Variants in ANKIB1 observed in about 807,000 individuals in gnomAD.
ANKIB1 encodes the protein ankyrin repeat and IBR domain-containing protein 1.
Under a neutral mutation model 122.1 loss-of-function variants are expected in ANKIB1, and 43 were observed. The observed-to-expected ratio is 0.35, with a 90% CI of 0.28 to 0.45. The LOEUF is 0.45. ANKIB1 is among the 20% of genes least tolerant of loss of function. ANKIB1 has a pLI of 1.00. For synonymous variants in ANKIB1, 390 were observed against 442.0 expected (o/e 0.88, Z 1.48); for missense variants, 992 against 1,329.5 (o/e 0.75, Z 3.95).
At chr7:92,344,203 T>G (rs79102338) in intron 6 of ANKIB1, among the ~76,000 whole-genome samples, 926 of 63,458 alleles carry the variant, frequency 0.015, 7 homozygotes, top group Non-Finnish European at 0.023. Context: ...GTTTTTTTTT[T>G]TTTTTTTTTT....
intron 2 of ANKIB1, among the ~76,000 whole-genome samples, chr7:92,306,627 T>C (rs532695015): frequency 5.9e-5 from 9 of 152,192 alleles, no homozygotes; most frequent in Admixed American, 4.6e-4. Flanking sequence ...AAGGCCTCTA[T>C]GAGGAATGAG....
At chr7:92,279,803 G>A (rs556693973) in intron 1 of ANKIB1, among the ~76,000 whole-genome samples, 1 of 152,242 alleles carries the variant, frequency 6.6e-6, no homozygotes, top group South Asian at 2.1e-4. Flanking sequence ...AAGTGACAAG[G>A]CTTTTTCTTA....
At chr7:92,323,833 C>T (rs1194812282) in intron 4 of ANKIB1, among the ~76,000 whole-genome samples, 5 of 152,126 alleles carry the variant, frequency 3.3e-5, no homozygotes, top group Non-Finnish European at 4.4e-5. Flanking sequence ...ATGCTAAGTG[C>T]GAGAAGCCAG....
chr7:92,311,769 A>G (rs1214332905), intron 3 of ANKIB1, among the ~76,000 whole-genome samples: 1 of 151,930 alleles, frequency 6.6e-6, no homozygotes, highest in Non-Finnish European at 1.5e-5. Context: ...CCTTAATTAT[A>G]GAGTTCTTCA....
At chr7:92,340,005 T>G (rs1468706887) in intron 5 of ANKIB1, among the ~76,000 whole-genome samples, 1 of 152,154 alleles carries the variant, frequency 6.6e-6, no homozygotes, top group African/African-American at 2.4e-5. Flanking sequence ...AGTGTTTTCT[T>G]TACTTTTCCT....
chr7:92,290,064 G>A (rs1240185843), intron 1 of ANKIB1, among the ~76,000 whole-genome samples: 1 of 152,302 alleles, frequency 6.6e-6, no homozygotes, highest in East Asian at 1.9e-4. Flanking sequence ...CGATCCTCCT[G>A]CCTCAGCCTC....
Position 92,283,910 on chromosome 7 carries a change from A to G in ANKIB1, c.-90-10979A>G, listed in dbSNP as rs547571290. Among the ~76,000 whole-genome samples, 304 of 152,244 alleles carry G rather than the reference A, an allele frequency of 2.0e-3. 2 individuals carry two copies. Among genetic ancestry groups the G allele is most frequent in the Non-Finnish European group, 1.8e-3 (121 of 68,020 alleles). On this transcript the variant is annotated intron_variant, in intron 1 of 19. Transcript: ENST00000265742. ...CTCTGCTTCCTGAGTAGCTGAGACT[A>G]TAGGCATGTGCCACCAGGCACAGCT...
rs564840959 is a variant in ANKIB1 at position 92,246,320 on chromosome 7, C to T, written c.-290C>T. The T allele has an allele frequency of 5.5e-4, 226 of 411,616 alleles. No individual in the cohort carries two copies. Among genetic ancestry groups the T allele is most frequent in the African/African-American group, 4.4e-3 (203 of 46,078 alleles). 25.5% of individuals were successfully genotyped at this position (411,616 alleles called of 1,614,324 possible). Reference sequence around the variant, plus strand: ...CGGCTCACGCAGCGCTTCCCGCGGGCCGCCAGTGCGCACCCTCGGCCACAT... The same window carrying T: ...CGGCTCACGCAGCGCTTCCCGCGGGTCGCCAGTGCGCACCCTCGGCCACAT... On this transcript the variant is annotated 5_prime_UTR_variant, in exon 1 of 20. Coordinates refer to ENST00000265742, the MANE Select transcript of ANKIB1 (RefSeq NM_019004.2).
At chr7:92,266,037 G>A (rs1214653040) in intron 1 of ANKIB1, among the ~76,000 whole-genome samples, 1 of 152,204 alleles carries the variant, frequency 6.6e-6, no homozygotes, top group Admixed American at 6.5e-5. Flanking sequence ...GGGCTTAGGA[G>A]CAAGCTCAGA....
Position 92,391,251 on chromosome 7 carries a change from C to T in ANKIB1, c.2138C>T (p.Ala713Val), listed in dbSNP as rs1804779787. ...LRTPRHKIIK[A>V]ACLVQQKRQE... ...ACACCCCGCCACAAGATCATCAAAGCAGCATGCCTTGTACAGCAGAAGAGG... is the reference window on the plus strand; with the variant it reads ...ACACCCCGCCACAAGATCATCAAAGTAGCATGCCTTGTACAGCAGAAGAGG... The change falls in exon 16 of 20, where the codon GCA becomes GTA. Residue 713 changes from alanine (A) to valine (V), a missense_variant. Ala to Val is a moderately conservative substitution (Grantham distance 64, BLOSUM62 0). Transcript: ENST00000265742. 4.3e-6 allele frequency: 7 copies of T among 1,613,514 alleles called. No individual in the cohort carries two copies. The highest frequency in any genetic ancestry group is 5.9e-6 in the Non-Finnish European group (7 of 1,179,680).
chr7:92,387,466 T>C (rs1804681961), intron 12 of ANKIB1, among the ~76,000 whole-genome samples: 1 of 151,856 alleles, frequency 6.6e-6, no homozygotes, highest in Non-Finnish European at 1.5e-5. Flanking sequence ...TAAAACCCCA[T>C]CTCTACTAAA....
At chr7:92,258,786 CAG>C (rs1434397257) in intron 1 of ANKIB1, among the ~76,000 whole-genome samples, 5 of 152,072 alleles carry the variant, frequency 3.3e-5, no homozygotes, top group East Asian at 3.9e-4. Context: ...TGGGAAAAGA[CAG>C]AGTGTAGGTT....
At position 92,295,179 on chromosome 7, in the gene ANKIB1, A is replaced by G. The variant is rs1477315358; in HGVS notation, c.188+13A>G. ...ATAAAATATTAGGGTAAGTATTACT[A>G]TAAACTAATTGGTATTAGGGTATTA... On this transcript the variant is annotated intron_variant, in intron 2 of 19. Coordinates refer to ENST00000265742, the MANE Select transcript of ANKIB1 (RefSeq NM_019004.2). 4.6e-6 allele frequency: 7 copies of G among 1,516,278 alleles called. No individual in the cohort carries two copies. The highest frequency in any genetic ancestry group is 1.3e-5 in the South Asian group (1 of 78,860). The allele number at this position is 1,516,278 out of a possible 1,614,324, so 93.9% of individuals were successfully genotyped here. A position where few individuals can be genotyped will look rare whatever the true frequency, so the allele number is the denominator to read the frequency against.
chr7:92,374,166 C>T (rs913584863), intron 11 of ANKIB1, among the ~76,000 whole-genome samples: 4 of 152,044 alleles, frequency 2.6e-5, no homozygotes, highest in African/African-American at 4.8e-5. Flanking sequence ...TAATATTCTC[C>T]GATCATAAGG....
intron 1 of ANKIB1, among the ~76,000 whole-genome samples, chr7:92,247,452 A>C (rs1440780632): frequency 6.6e-6 from 1 of 152,232 alleles, no homozygotes; most frequent in East Asian, 1.9e-4. Context: ...AATTATTTTC[A>C]ATCATTAATT....
Position 92,307,428 on chromosome 7 carries a change from G to A in ANKIB1, c.258G>A (p.Leu86=), listed in dbSNP as rs1802584006. The A allele has an allele frequency of 6.2e-7, 1 of 1,613,940 alleles. No homozygotes were observed. The stretch of plus-strand genomic sequence containing the variant: ...ACAATGAAACATCTATGCATTTGTT[G>A]TGTATGGGACCTCAAATTATGATAT... ...NVHNETSMHL[L]CMGPQIMISE... is the part of the protein sequence containing the mutation. The change falls in exon 3 of 20, where the codon TTG becomes TTA. Residue 86 remains leucine, a synonymous_variant. Coordinates refer to ENST00000265742, the MANE Select transcript of ANKIB1 (RefSeq NM_019004.2).
intron 17 of ANKIB1, among the ~76,000 whole-genome samples, chr7:92,392,919 C>T (rs1804816889): frequency 6.6e-6 from 1 of 152,016 alleles, no homozygotes; most frequent in Non-Finnish European, 1.5e-5. Context: ...AACTCTTAAT[C>T]ACATAGCTGT....
chr7:92,389,761 T>C (rs1804745195), intron 14 of ANKIB1, among the ~76,000 whole-genome samples: 1 of 152,190 alleles, frequency 6.6e-6, no homozygotes, highest in Non-Finnish European at 1.5e-5. Context: ...GGGCATATGC[T>C]TCTTTTATAA....
chr7:92,319,624 C>CTG, intron 4 of ANKIB1, 112 bp downstream of exon 4: 1 of 1,048,602 alleles, frequency 9.5e-7, no homozygotes, highest in Non-Finnish European at 1.4e-6. Context: ...TTACAGTATT[C>CTG]TAAATATCCT....
Sources: allele counts gnomAD v4.1 joint callset (sites outside exome capture counted in the v4.1 genomes callset), GRCh38; gene constraint gnomAD v4.1.1; transcripts MANE v1.5; gene names NCBI Gene and HGNC (gene_info 2026-07-23, HGNC 2026-07-21).